The following FSTL5 variants were observed in gnomAD, a reference collection of about 807,000 sequenced individuals.
FSTL5 encodes the protein follistatin like 5.
In FSTL5, 62 loss-of-function variants were observed where a neutral mutation model predicts 89.1. The observed-to-expected ratio is 0.70, with a 90% CI of 0.57 to 0.86. The LOEUF (loss-of-function observed/expected upper bound fraction) is 0.86. FSTL5 is among the 40% of genes least tolerant of loss of function. FSTL5 has a pLI of 0.00. For synonymous variants in FSTL5, 383 were observed against 346.2 expected, an observed-to-expected ratio of 1.11 and a Z score of -1.18; for missense variants, 1,057 against 1,001.6, an observed-to-expected ratio of 1.06 and a Z score of -0.75.
At chr4:161,582,636 T>A (rs1032329674) in intron 8 of FSTL5, among the ~76,000 whole-genome samples, 1 of 152,186 alleles carries the variant, frequency 6.6e-6, no homozygotes, top group African/African-American at 2.4e-5. Context: ...TACCCCACCA[T>A]TTCTAGATAT....
At chr4:162,014,477 A>ATAAAT (rs145222548) in intron 3 of FSTL5, among the ~76,000 whole-genome samples, 14,686 of 149,508 alleles carry the variant, frequency 0.098, 830 homozygotes, top group Non-Finnish European at 0.13. Context: ...TTGAAAAATA[A>ATAAAT]TAATTTAGAT....
At chr4:162,051,132 G>C (rs1453413755) in intron 2 of FSTL5, among the ~76,000 whole-genome samples, 1 of 151,198 alleles carries the variant, frequency 6.6e-6, no homozygotes, top group African/African-American at 2.4e-5. Flanking sequence ...GGTTCAAATA[G>C]GAAACAAAAT....
chr4:161,518,134 A>T (rs2126511623), intron 10 of FSTL5, among the ~76,000 whole-genome samples: 1 of 152,340 alleles, frequency 6.6e-6, no homozygotes, highest in Non-Finnish European at 1.5e-5. Flanking sequence ...TTAATTGAAG[A>T]TTGTTTCCTC....
At chr4:161,986,779 G>A (rs1735975517) in intron 3 of FSTL5, among the ~76,000 whole-genome samples, 1 of 152,088 alleles carries the variant, frequency 6.6e-6, no homozygotes, top group Non-Finnish European at 1.5e-5. Context: ...GAAAGCGGGT[G>A]GCACAGATCA....
chr4:161,503,387 G>T (rs1294195928), intron 11 of FSTL5, among the ~76,000 whole-genome samples: 1 of 151,682 alleles, frequency 6.6e-6, no homozygotes, highest in Non-Finnish European at 1.5e-5. Context: ...AATTTTCTAT[G>T]ATATAAAATT....
intron 4 of FSTL5, among the ~76,000 whole-genome samples, chr4:161,776,695 G>C (rs1741424087): frequency 6.6e-6 from 1 of 151,266 alleles, no homozygotes; most frequent in Non-Finnish European, 1.5e-5. Context: ...AAAATTTTTA[G>C]TTGTTACAAA....
intron 7 of FSTL5, among the ~76,000 whole-genome samples, chr4:161,620,527 G>A (rs991251932): frequency 6.6e-6 from 1 of 151,954 alleles, no homozygotes; most frequent in Non-Finnish European, 1.5e-5. Context: ...GCGGTGGCAG[G>A]CGCCTGTAAT....
At chr4:162,012,973 C>T (rs1341682233) in intron 3 of FSTL5, among the ~76,000 whole-genome samples, 1 of 152,060 alleles carries the variant, frequency 6.6e-6, no homozygotes, top group Non-Finnish European at 1.5e-5. Context: ...CACATGAGGT[C>T]AGGAGTTCAA....
chr4:161,529,924 G>A (rs1731353004), intron 10 of FSTL5, among the ~76,000 whole-genome samples: 1 of 142,696 alleles, frequency 7.0e-6, no homozygotes, highest in Non-Finnish European at 1.5e-5. Context: ...ACTAATCGAT[G>A]ACTTTTGCAT....
At chr4:161,825,446 G>A (rs1358932497) in intron 4 of FSTL5, among the ~76,000 whole-genome samples, 2 of 151,968 alleles carry the variant, frequency 1.3e-5, no homozygotes. Context: ...TTATCTTGTG[G>A]GATAGTATCA....
At chr4:161,396,709 T>A (rs1202913639) in intron 15 of FSTL5, among the ~76,000 whole-genome samples, 1 of 134,568 alleles carries the variant, frequency 7.4e-6, no homozygotes, top group Non-Finnish European at 1.6e-5. Context: ...AGCCATATTA[T>A]CATTTACATA....
At chr4:161,654,035 T>A in intron 7 of FSTL5, among the ~76,000 whole-genome samples, 1 of 152,158 alleles carries the variant, frequency 6.6e-6, no homozygotes, top group East Asian at 1.9e-4. Context: ...AAAATAATTT[T>A]ATCCAATAAA....
chr4:161,738,305 T>C (rs1372490706), intron 6 of FSTL5, among the ~76,000 whole-genome samples: 1 of 152,060 alleles, frequency 6.6e-6, no homozygotes, highest in African/African-American at 2.4e-5. Context: ...CAATACACCA[T>C]CTTATGGTGC....
chr4:161,459,186 T>C, intron 14 of FSTL5, 26 bp downstream of exon 14: 1 of 1,228,384 alleles, frequency 8.1e-7, no homozygotes. Flanking sequence ...ATTGTTATTT[T>C]CTCTAATATA....
intron 5 of FSTL5, among the ~76,000 whole-genome samples, chr4:161,767,201 C>T (rs918934401): frequency 1.3e-5 from 2 of 152,076 alleles, no homozygotes; most frequent in African/African-American, 2.4e-5. Context: ...AGAATATGCC[C>T]ATACCTTAGG....
chr4:162,066,709 T>C (rs534890538), intron 2 of FSTL5, among the ~76,000 whole-genome samples: 1 of 151,842 alleles, frequency 6.6e-6, no homozygotes, highest in African/African-American at 2.4e-5. Flanking sequence ...TGTGTTACTC[T>C]GCTAAGAATG....
rs545788399 is a variant in FSTL5 at position 161,689,634 on chromosome 4, A to AT, written c.728-33141dup. Among the ~76,000 whole-genome samples the AT allele has an allele frequency of 4.6e-4, 69 of 150,106 alleles. No individual in the cohort carries two copies. The East Asian group carries it at 0.012, about 26-fold the overall frequency. On this transcript the variant is annotated intron_variant, in intron 6 of 15. Transcript: ENST00000306100. ...ATTTTACAGCACTATTTTAGAGGAC[A>AT]TTTTTTTACTGAGATTAAATCCATA... is the stretch of plus-strand genomic sequence containing the variant.
chr4:161,530,324 T>C (rs564870676), intron 10 of FSTL5, among the ~76,000 whole-genome samples: 1 of 142,366 alleles, frequency 7.0e-6, no homozygotes, highest in South Asian at 2.4e-4. Context: ...TTTTACAATA[T>C]TGCTAAATCT....
At chr4:161,963,532 C>A (rs187029320) in intron 3 of FSTL5, among the ~76,000 whole-genome samples, 1 of 151,660 alleles carries the variant, frequency 6.6e-6, no homozygotes, top group East Asian at 1.9e-4. Flanking sequence ...AGACCGTGAC[C>A]GAACACTCAT....
Sources: gnomAD v4.1 joint callset for allele counts (sites outside exome capture counted in the v4.1 genomes callset) on GRCh38, gnomAD v4.1.1 for gene constraint, MANE v1.5 for transcripts, NCBI Gene and HGNC (gene_info 2026-07-23, HGNC 2026-07-21) for gene names.